The following MEF2B variants were observed in gnomAD, a reference collection of about 807,000 sequenced individuals.
MEF2B encodes the protein myocyte enhancer factor 2B, also known as myocyte-specific enhancer factor 2B.
A neutral mutation model predicts 32.2 loss-of-function variants in MEF2B; 15 were observed. That is an observed-to-expected ratio of 0.47 (90% CI 0.31 to 0.72). The LOEUF (loss-of-function observed/expected upper bound fraction) is 0.72. MEF2B is among the 30% of genes least tolerant of loss of function. The pLI, the probability that MEF2B is intolerant of heterozygous loss-of-function variation, is 0.05. For synonymous variants in MEF2B, 205 were observed against 225.6 expected, an observed-to-expected ratio of 0.91 and a Z score of 0.82; for missense variants, 441 against 511.5, an observed-to-expected ratio of 0.86 and a Z score of 1.33.
chr19:19,169,656 C>G (rs981073090), intron 1 of MEF2B, among the ~76,000 whole-genome samples: 2 of 152,266 alleles, frequency 1.3e-5, no homozygotes, highest in Non-Finnish European at 2.9e-5. Flanking sequence ...GTGCTAACAA[C>G]CACACGGGGA....
intron 1 of MEF2B, among the ~76,000 whole-genome samples, chr19:19,152,392 AG>A (rs150232626): frequency 0.13 from 18,264 of 137,534 alleles, 1,534 homozygotes; most frequent in East Asian, 0.32. Context: ...AAAAAAAAAA[AG>A]AAAAAGAAAA....
In MEF2B at chr19:19,147,455, G is replaced by C. The variant is rs778163403; in HGVS notation, c.393+243C>G. Among the ~76,000 whole-genome samples, 2 of 68,768 alleles carry C rather than the reference G, an allele frequency of 2.9e-5. 1 individual carries two copies. The highest frequency in any genetic ancestry group is 6.6e-5 in the Non-Finnish European group (2 of 30,236). 45.1% of individuals were successfully genotyped at this position (68,768 alleles called of 152,430 possible). A position where few individuals can be genotyped will look rare whatever the true frequency, so the allele number is the denominator to read the frequency against. On this transcript the variant is annotated intron_variant, in intron 4 of 8. Transcript: ENST00000424583. ...TGGCACTGAGGGGGCTGCACAGAGT[G>C]TTTGATGAATCAAAGATGAAATGAA...
rs2060020760 is a variant in MEF2B, at chr19:19,145,867, G to C, written c.1037C>G (p.Ser346Cys). 1 of 1,482,392 alleles carries C rather than the reference G, an allele frequency of 6.7e-7. No homozygotes were observed. The highest frequency in any genetic ancestry group is 9.0e-7 in the Non-Finnish European group (1 of 1,114,518). The allele number at this position is 1,482,392 out of a possible 1,614,324, so 91.8% of individuals were successfully genotyped here. The part of the protein sequence containing the change: ...TFPYPLLLAR[S>C]LAEPLRPGPA... ...CCCAGGCCGCAGAGGCTCTGCCAGG[G>C]ACCGGGCGAGGAGCAAGGGATAGGG... is the stretch of plus-strand genomic sequence containing the variant. Residue 346 changes from serine (S) to cysteine (C), a missense_variant, in exon 9 of 9, where the codon TCC becomes TGC. Transcript: ENST00000424583. The surrounding 1 kb of genome is among the most constrained non-coding windows in gnomAD (Gnocchi z 4.6).
At chr19:19,150,158 G>A (rs1186547807) in intron 2 of MEF2B, among the ~76,000 whole-genome samples, 21 of 132,586 alleles carry the variant, frequency 1.6e-4, no homozygotes, top group African/African-American at 5.6e-4. Context: ...GAGGGAAGGA[G>A]GGAGGGAGGG....
rs546455089 is a variant in MEF2B, at chr19:19,146,805, C to T, written c.612G>A (p.Thr204=). ...SKTPPPLYLP[T]EGRRSDLPGG... is the part of the protein sequence containing the mutation. ...CAGGCAGGTCTGACCTCCGCCCTTCCGTCGGCAGGTACAGTGGGGGTGGTG... is the reference window on the plus strand; with the variant it reads ...CAGGCAGGTCTGACCTCCGCCCTTCTGTCGGCAGGTACAGTGGGGGTGGTG... Residue 204 remains threonine, a synonymous_variant, in exon 6 of 9, where the codon ACG becomes ACA. Coordinates refer to ENST00000424583, the MANE Select transcript of MEF2B (RefSeq NM_001145785.2). 18 of 1,614,028 alleles carry T rather than the reference C, an allele frequency of 1.1e-5. No homozygotes were observed. The highest frequency in any genetic ancestry group is 1.7e-4 in the Middle Eastern group (1 of 6,048).
intron 1 of MEF2B, chr19:19,157,426 G>T (rs1000549402): frequency 6.6e-6 from 1 of 152,074 alleles, no homozygotes; most frequent in Non-Finnish European, 1.5e-5. Context: ...ACAGAAAAAG[G>T]GTGCACTCTC....
At chr19:19,152,994 G>A (rs1053984316) in intron 1 of MEF2B, among the ~76,000 whole-genome samples, 3 of 152,196 alleles carry the variant, frequency 2.0e-5, no homozygotes, top group South Asian at 2.1e-4. Flanking sequence ...ATCCCCAGCC[G>A]GAATCGGGCC....
chr19:19,154,415 G>A (rs544907261), intron 1 of MEF2B, among the ~76,000 whole-genome samples: 1 of 151,484 alleles, frequency 6.6e-6, no homozygotes, highest in African/African-American at 2.4e-5. Context: ...GCCCGCCTTG[G>A]CCTCCCAAAG....
chr19:19,146,538 C>G lies in MEF2B; in HGVS notation c.769+17G>C, dbSNP rs2146350157. On this transcript the variant is annotated intron_variant, in intron 7 of 8. Transcript: ENST00000424583. ...CGGACGCTTCCCAGGTGGGGCAGGG[C>G]AGGTTAGGGGATGTACCTGGGGGGC... 1 of 1,524,398 alleles carries G rather than the reference C, an allele frequency of 6.6e-7. No individual in the cohort carries two copies. The highest frequency in any genetic ancestry group is 8.8e-7 in the Non-Finnish European group (1 of 1,137,762). 94.4% of individuals were successfully genotyped at this position (1,524,398 alleles called of 1,614,324 possible).
At chr19:19,158,375 GGGC>G (rs796419144) in intron 1 of MEF2B, among the ~76,000 whole-genome samples, 21 of 100 alleles carry the variant, frequency 0.21, 1 homozygote, top group African/African-American at 0.38. Flanking sequence ...GCGTGAGCAT[GGGC>G]GCCCCCGGCC....
chr19:19,170,239 G>A lies in MEF2B; in HGVS notation c.-64C>T. The A allele has an allele frequency of 2.5e-6, 1 of 398,498 alleles. No individual in the cohort carries two copies. Among genetic ancestry groups the A allele is most frequent in the Non-Finnish European group, 4.4e-6 (1 of 225,948 alleles). The allele number at this position is 398,498 out of a possible 1,614,324, so 24.7% of individuals were successfully genotyped here. On this transcript the variant is annotated 5_prime_UTR_variant, in exon 1 of 9. Transcript: ENST00000424583. ...CTGGGCCCTGGGACGCTGGGCGCAC[G>A]GACCCGCGGCGGCTGCACGAAGATC...
At position 19,149,264 on chromosome 19, in the gene MEF2B, C is replaced by G; in HGVS notation, c.220G>C (p.Glu74Gln). Reference protein sequence around the residue: ...RVLLKYTEYSEPHESRTNTDI... With the variant: ...RVLLKYTEYSQPHESRTNTDI... ...GTGTTGGTGCGGCTCTCGTGGGGCT[C>G]GCTGTACTCTGTGTACTTCAGCAGC... Residue 74 changes from glutamate (E) to glutamine (Q), a missense_variant, in exon 3 of 9, where the codon GAG (glutamate) becomes CAG (glutamine). Physicochemically the swap from Glu to Gln is conservative, Grantham distance 29. Coordinates refer to ENST00000424583, the MANE Select transcript of MEF2B (RefSeq NM_001145785.2). 6.2e-7 allele frequency: 1 copy of G among 1,613,816 alleles called. No homozygotes were observed. The highest frequency in any genetic ancestry group is 8.5e-7 in the Non-Finnish European group (1 of 1,179,940).
At chr19:19,153,523 C>G (rs189314635) in intron 1 of MEF2B, among the ~76,000 whole-genome samples, 32 of 152,168 alleles carry the variant, frequency 2.1e-4, no homozygotes, top group Admixed American at 2.0e-4. Flanking sequence ...GTGGCATGAT[C>G]TTGGCTCACT....
chr19:19,164,060 G>A (rs2283619), intron 1 of MEF2B, among the ~76,000 whole-genome samples: 25,034 of 151,578 alleles, frequency 0.17, 2,369 homozygotes, highest in East Asian at 0.37. Context: ...TCTGCCTCCC[G>A]GGTTGAAGCG....
intron 1 of MEF2B, among the ~76,000 whole-genome samples, chr19:19,169,174 G>A (rs2060233400): frequency 1.3e-5 from 2 of 152,132 alleles, no homozygotes; most frequent in Middle Eastern, 3.4e-3. Flanking sequence ...CCAACATGGT[G>A]AAAGCCCATC....
At chr19:19,163,457 A>C (rs2060182580) in intron 1 of MEF2B, among the ~76,000 whole-genome samples, 1 of 149,942 alleles carries the variant, frequency 6.7e-6, no homozygotes, top group Admixed American at 6.6e-5. Context: ...GCCAAATTCA[A>C]CTCTTTCTGC....
At chr19:19,156,010 G>C (rs1033734283) in intron 1 of MEF2B, among the ~76,000 whole-genome samples, 1 of 152,192 alleles carries the variant, frequency 6.6e-6, no homozygotes, top group Non-Finnish European at 1.5e-5. Flanking sequence ...AGAGCTTCTT[G>C]GGGGAGGAGG....
Position 19,147,149 on chromosome 19 carries a change from A to G in MEF2B, c.428T>C (p.Val143Ala). 1.9e-6 allele frequency: 3 copies of G among 1,591,960 alleles called. No individual in the cohort carries two copies. Among genetic ancestry groups the G allele is most frequent in the Non-Finnish European group, 2.6e-6 (3 of 1,169,772 alleles). The change falls in exon 5 of 9, where the codon GTA (valine) becomes GCA (alanine). Residue 143 changes from valine (V) to alanine (A), a missense_variant. This residue lies in a region of MEF2B where 326 missense variants were observed against 328.4 expected (regional missense o/e 0.99). Transcript: ENST00000424583. ...GCCTGGTGGCGGTAAGGCCCCGTAT[A>G]CCACATCTGGGCTGGGCATAGCAGG... ...AAPAMPSPDVVYGALPPPGCD... is the reference protein window; with the variant it reads ...AAPAMPSPDVAYGALPPPGCD...
chr19:19,149,343 G>A lies in MEF2B; in HGVS notation c.141C>T (p.Ile47=). The A allele has an allele frequency of 6.2e-7, 1 of 1,613,976 alleles. No homozygotes were observed. The highest frequency in any genetic ancestry group is 8.5e-7 in the Non-Finnish European group (1 of 1,180,026). The part of the protein sequence containing the change: ...VLCDCEIALI[I]FNSANRLFQY... Reference sequence around the variant, plus strand: ...GGAAGAGGCGGTTGGCGCTGTTGAAGATGATGAGGGCTATCTCACAGTCAC... The same window carrying A: ...GGAAGAGGCGGTTGGCGCTGTTGAAAATGATGAGGGCTATCTCACAGTCAC... The change falls in exon 3 of 9, where the codon ATC becomes ATT. Residue 47 remains isoleucine, a synonymous_variant. Transcript: ENST00000424583.
Sources: gnomAD v4.1 joint callset for allele counts (sites outside exome capture counted in the v4.1 genomes callset) on GRCh38, gnomAD v4.1.1 for gene constraint, gnomAD v4.1.1 regional missense constraint, Gnocchi (gnomAD v3.1) non-coding constraint, MANE v1.5 for transcripts, NCBI Gene and HGNC (gene_info 2026-07-23, HGNC 2026-07-21) for gene names.